RALGPS2: variants seen among roughly 807,000 people sequenced by gnomAD.
RALGPS2 encodes the protein Ral GEF with PH domain and SH3 binding motif 2, also known as ras-specific guanine nucleotide-releasing factor RalGPS2.
In RALGPS2, 43 loss-of-function variants were observed where a neutral mutation model predicts 86.8. That is an observed-to-expected ratio of 0.50 (90% confidence interval 0.39 to 0.64). The LOEUF (loss-of-function observed/expected upper bound fraction) is 0.64. Ranked by LOEUF, RALGPS2 falls within the 30% of genes least tolerant of loss-of-function variation. RALGPS2 has a pLI of 0.00. For missense variants in RALGPS2, 536 were observed against 694.6 expected, an observed-to-expected ratio of 0.77 and a Z score of 2.57; for synonymous variants, 243 against 231.3, an observed-to-expected ratio of 1.05 and a Z score of -0.46.
chr1:178,785,650 T>G (rs1323838215), intron 4 of RALGPS2, 43 bp downstream of exon 4: 6 of 1,532,062 alleles, frequency 3.9e-6, no homozygotes, highest in Non-Finnish European at 5.3e-6. Flanking sequence ...TAGAAAACGA[T>G]CAATCTCAAA....
intron 1 of RALGPS2, among the ~76,000 whole-genome samples, chr1:178,766,596 T>C (rs1392643957): frequency 2.0e-5 from 3 of 152,068 alleles, no homozygotes; most frequent in Admixed American, 6.6e-5. Flanking sequence ...GGCTTGTAGG[T>C]TTTTGGCTCA....
At chr1:178,851,046 A>G in intron 8 of RALGPS2, 3 of 1,283,618 alleles carry the variant, frequency 2.3e-6, no homozygotes, top group Middle Eastern at 2.0e-4. Flanking sequence ...AAATTGTGCC[A>G]AGTAATATAC....
intron 1 of RALGPS2, among the ~76,000 whole-genome samples, chr1:178,754,426 G>T (rs1436318777): frequency 6.6e-6 from 1 of 152,124 alleles, no homozygotes; most frequent in African/African-American, 2.4e-5. Context: ...AGAGCCGGTG[G>T]TATAAGTTCT....
rs1553256775 is a variant in RALGPS2 at position 178,725,264 on chromosome 1, A to AGCGGCAGCGGCGGCG, written c.-234_-233insAGCGGCGGCGGCGGC. 5.4e-5 allele frequency: 2 copies of AGCGGCAGCGGCGGCG among 37,206 alleles called. No homozygotes were observed. Among genetic ancestry groups the AGCGGCAGCGGCGGCG allele is most frequent in the Non-Finnish European group, 1.1e-4 (2 of 18,358 alleles). 2.3% of individuals were successfully genotyped at this position (37,206 alleles called of 1,614,324 possible). The stretch of plus-strand genomic sequence containing the variant: ...AGCTCACTCTCCTCCCCCGAGCGGC[A>AGCGGCAGCGGCGGCG]GCGGCGGCGGCGGCGGCGGCTGCTG... On this transcript the variant is annotated 5_prime_UTR_variant, in exon 1 of 20. Transcript: ENST00000367635.
intron 7 of RALGPS2, among the ~76,000 whole-genome samples, chr1:178,828,191 A>G (rs189436385): frequency 8.5e-5 from 13 of 152,230 alleles, no homozygotes; most frequent in African/African-American, 2.9e-4. Flanking sequence ...ATTTGCAAAT[A>G]ATACATCTGA....
intron 1 of RALGPS2, among the ~76,000 whole-genome samples, chr1:178,776,397 A>G (rs1018795954): frequency 1.3e-5 from 2 of 152,094 alleles, no homozygotes; most frequent in African/African-American, 4.8e-5. Flanking sequence ...AAAGTTGTAC[A>G]TTTGATTTTT....
intron 11 of RALGPS2, among the ~76,000 whole-genome samples, 173 bp downstream of exon 11, chr1:178,883,706 C>T (rs1489563435): frequency 6.6e-6 from 1 of 152,072 alleles, no homozygotes; most frequent in East Asian, 1.9e-4. Context: ...AAGTTGCTGG[C>T]CGGGCAGGGT....
chr1:178,788,770 G>T (rs905720973), intron 4 of RALGPS2, among the ~76,000 whole-genome samples: 1 of 151,738 alleles, frequency 6.6e-6, no homozygotes. Context: ...TAGGTTTTAA[G>T]TCGCTCTTTT....
At chr1:178,861,379 C>T (rs187921640) in intron 8 of RALGPS2, among the ~76,000 whole-genome samples, 1 of 151,348 alleles carries the variant, frequency 6.6e-6, no homozygotes, top group Admixed American at 6.6e-5. Context: ...TTCATTAAAA[C>T]AAAATGTGTT....
intron 1 of RALGPS2, among the ~76,000 whole-genome samples, chr1:178,730,082 C>T (rs1344304497): frequency 6.6e-6 from 1 of 152,148 alleles, no homozygotes; most frequent in Non-Finnish European, 1.5e-5. Flanking sequence ...GCTGGGGTTA[C>T]AGGCATGTGC....
At chr1:178,760,302 T>G (rs1290274108) in intron 1 of RALGPS2, among the ~76,000 whole-genome samples, 3 of 152,216 alleles carry the variant, frequency 2.0e-5, no homozygotes, top group African/African-American at 7.2e-5. Flanking sequence ...AGTTTCCCAC[T>G]ACTACTTGTG....
rs563135433 is a variant in RALGPS2 at position 178,886,384 on chromosome 1, T to C, written c.1192+264T>C. Among the ~76,000 whole-genome samples the C allele has an allele frequency of 2.0e-5, 3 of 152,318 alleles. No homozygotes were observed. In the East Asian group the frequency reaches 5.8e-4, roughly 29 times the overall value. The stretch of plus-strand genomic sequence containing the variant: ...TAGTTAACTGCATGTGATTTGGATA[T>C]GGGGAGGAGGAAGAGTGTGGAGTCA... On this transcript the variant is annotated intron_variant, in intron 13 of 19. Coordinates refer to ENST00000367635, the MANE Select transcript of RALGPS2 (RefSeq NM_152663.5).
chr1:178,912,618 T>A (rs1660669281), intron 19 of RALGPS2, among the ~76,000 whole-genome samples: 1 of 152,174 alleles, frequency 6.6e-6, no homozygotes, highest in Admixed American at 6.5e-5. Context: ...GATTTTTTTC[T>A]TTTGCATTGA....
At chr1:178,814,442 C>T (rs920770887) in intron 6 of RALGPS2, among the ~76,000 whole-genome samples, 1 of 152,110 alleles carries the variant, frequency 6.6e-6, no homozygotes, top group Non-Finnish European at 1.5e-5. Flanking sequence ...CTCTCTCTCT[C>T]TCTTTTTTTA....
At chr1:178,760,261 CAAT>C (rs1652168412) in intron 1 of RALGPS2, among the ~76,000 whole-genome samples, 1 of 152,122 alleles carries the variant, frequency 6.6e-6, no homozygotes, top group Non-Finnish European at 1.5e-5. Flanking sequence ...GTTTTTGCCT[CAAT>C]GATCTAACGT....
At chr1:178,853,280 T>C in intron 8 of RALGPS2, 1 of 911,032 alleles carries the variant, frequency 1.1e-6, no homozygotes, top group Non-Finnish European at 1.3e-6. Flanking sequence ...TAAAAAGGGT[T>C]CCTGGTCTCT....
chr1:178,769,887 C>G (rs1257019591), intron 1 of RALGPS2, among the ~76,000 whole-genome samples: 1 of 152,112 alleles, frequency 6.6e-6, no homozygotes, highest in Admixed American at 6.6e-5. Flanking sequence ...GGCTCTCTGC[C>G]TTTCTTGCAT....
intron 4 of RALGPS2, among the ~76,000 whole-genome samples, chr1:178,798,646 A>T (rs184204405): frequency 0.012 from 1,823 of 151,568 alleles, 51 homozygotes; most frequent in African/African-American, 0.042. Flanking sequence ...TTTTTTTTTT[A>T]AAAAGGAAAT....
chr1:178,803,051 T>TA (rs1304675146), intron 4 of RALGPS2, among the ~76,000 whole-genome samples: 1 of 152,174 alleles, frequency 6.6e-6, no homozygotes, highest in Admixed American at 6.6e-5. Context: ...CTCATTTTGA[T>TA]AAGAGTGTTG....
Sources: gnomAD v4.1 joint callset for allele counts (sites outside exome capture counted in the v4.1 genomes callset) on GRCh38, gnomAD v4.1.1 for gene constraint, MANE v1.5 for transcripts, NCBI Gene and HGNC (gene_info 2026-07-23, HGNC 2026-07-21) for gene names.